GON4L: variants seen among roughly 807,000 people sequenced by gnomAD.
The protein encoded by GON4L is gon-4 like, also known as GON-4-like protein.
Under a neutral mutation model 211.8 loss-of-function variants are expected in GON4L, and 87 were observed. That is an observed-to-expected ratio of 0.41 (90% CI 0.35 to 0.49). GON4L has a LOEUF of 0.49. Among genes scored for constraint, GON4L ranks in the 20% least tolerant of loss-of-function variants. The pLI is 0.15. For missense variants in GON4L, 2,155 were observed against 2,659.5 expected, an observed-to-expected ratio of 0.81 and a Z score of 4.17; for synonymous variants, 875 against 962.6, an observed-to-expected ratio of 0.91 and a Z score of 1.68.
chr1:155,782,901 C>T (rs1232506444), intron 14 of GON4L, among the ~76,000 whole-genome samples: 1 of 152,044 alleles, frequency 6.6e-6, no homozygotes, highest in African/African-American at 2.4e-5. Context: ...TGAGGTGATC[C>T]CCCTGCCTCC....
chr1:155,834,097 T>C (rs1670073768), intron 2 of GON4L, among the ~76,000 whole-genome samples: 1 of 152,112 alleles, frequency 6.6e-6, no homozygotes, highest in South Asian at 2.1e-4. Flanking sequence ...GTGTTGGGAT[T>C]ACAGGTGTGA....
At chr1:155,748,729 G>T, downstream of GON4L, 3 of 1,614,126 alleles carry the variant, frequency 1.9e-6, no homozygotes, top group Non-Finnish European at 2.5e-6. Context: ...GAGCCTTCTG[G>T]AACACGTTGC....
chr1:155,800,156 G>A (rs772111005), intron 11 of GON4L, among the ~76,000 whole-genome samples: 2 of 151,822 alleles, frequency 1.3e-5, no homozygotes, highest in Non-Finnish European at 2.9e-5. Context: ...CTGAGATCGT[G>A]CCATTGCACT....
chr1:155,750,806 G>T, intron 31 of GON4L, 73 bp from the exon 32 acceptor site: 1 of 1,428,890 alleles, frequency 7.0e-7, no homozygotes, highest in Non-Finnish European at 9.6e-7. Flanking sequence ...CTCTGTTGCT[G>T]AGACTGGAGT....
At chr1:155,837,616 C>T (rs1670428865) in intron 2 of GON4L, among the ~76,000 whole-genome samples, 1 of 144,686 alleles carries the variant, frequency 6.9e-6, no homozygotes, top group Admixed American at 7.2e-5. Context: ...CTTGCTGTAT[C>T]TCTCTCTCTC....
intron 16 of GON4L, 99 bp from the exon 17 acceptor site, chr1:155,775,272 G>C: frequency 6.8e-7 from 1 of 1,471,934 alleles, no homozygotes; most frequent in South Asian, 1.1e-5. Flanking sequence ...CCTACTACAG[G>C]ATAAAAACAG....
In GON4L at chr1:155,798,373, T is replaced by C. The variant is rs561153502; in HGVS notation, c.1646-3222A>G. Among the ~76,000 whole-genome samples, 19 of 150,166 alleles carry C rather than the reference T, an allele frequency of 1.3e-4. No individual in the cohort carries two copies. The East Asian group carries it at 2.1e-3, about 17-fold the overall frequency. The stretch of plus-strand genomic sequence containing the variant: ...CTGTCTTCATAATTCATAATCTCTA[T>C]AGTACTTTCTATATAAGTCTCTTCA... On this transcript the variant is annotated intron_variant, in intron 11 of 31. Coordinates refer to ENST00000368331, the MANE Select transcript of GON4L (RefSeq NM_001282860.2).
rs766347337 is a variant in GON4L, at chr1:155,751,759, G to A, written c.6576+8C>T. Reference sequence around the variant, plus strand: ...TTTTGCCAGGTCTTCACCCCAACCCGCACCTACCTCAGCAGGGGTCTTATT... The same window carrying A: ...TTTTGCCAGGTCTTCACCCCAACCCACACCTACCTCAGCAGGGGTCTTATT... On this transcript the variant is annotated splice_region_variant and intron_variant, in intron 31 of 31. Transcript: ENST00000368331. 57 of 1,594,238 alleles carry A rather than the reference G, an allele frequency of 3.6e-5. No homozygotes were observed. The highest frequency in any genetic ancestry group is 3.4e-4 in the African/African-American group (25 of 74,572).
At chr1:155,831,467 A>G (rs1435381791) in intron 2 of GON4L, 1 of 147,856 alleles carries the variant, frequency 6.8e-6, no homozygotes, top group Non-Finnish European at 1.5e-5. Flanking sequence ...ATAAATAAAT[A>G]AATAAATAAA....
At chr1:155,811,527 G>T (rs1667771679) in intron 10 of GON4L, among the ~76,000 whole-genome samples, 1 of 151,148 alleles carries the variant, frequency 6.6e-6, no homozygotes, top group Non-Finnish European at 1.5e-5. Flanking sequence ...AGGCTAAGGT[G>T]GGCAGATCAC....
At chr1:155,856,333 C>T (rs959858315) in intron 1 of GON4L, among the ~76,000 whole-genome samples, 1 of 152,074 alleles carries the variant, frequency 6.6e-6, no homozygotes, top group Non-Finnish European at 1.5e-5. Context: ...GCTCCAGTGA[C>T]CCTCTGGCCT....
At position 155,844,581 on chromosome 1, in the gene GON4L, CTG is replaced by C. The variant is rs145724321; in HGVS notation, c.505+8693_505+8694del. The stretch of plus-strand genomic sequence containing the variant: ...GACCAGCCCGGGCAACATAGTGAGA[CTG>C]TGTCTCTATAAAAACATTTAAAAAT... On this transcript the variant is annotated intron_variant, in intron 2 of 31. Transcript: ENST00000368331. Among the ~76,000 whole-genome samples the C allele has an allele frequency of 6.6e-3, 1,002 of 152,200 alleles. 3 individuals carry two copies. Among genetic ancestry groups the C allele is most frequent in the Non-Finnish European group, 0.011 (760 of 68,024 alleles).
In GON4L at chr1:155,760,517, A is replaced by G. The variant is rs1661677689; in HGVS notation, c.5036T>C (p.Leu1679Pro). The G allele has an allele frequency of 6.2e-7, 1 of 1,613,696 alleles. No homozygotes were observed. The highest frequency in any genetic ancestry group is 8.5e-7 in the Non-Finnish European group (1 of 1,179,646). Residue 1679 changes from leucine to proline, a missense_variant, in exon 24 of 32, where the codon CTC becomes CCC. Coordinates refer to ENST00000368331, the MANE Select transcript of GON4L (RefSeq NM_001282860.2). ...VDLYKSLQILLQDWPQLLKDF... is the reference protein window; with the variant it reads ...VDLYKSLQILPQDWPQLLKDF... ...TTTCAACAGCTGAGGCCAGTCTTGG[A>G]GCAGAATTTGCAGGCTTTTGTAGAG... is the stretch of plus-strand genomic sequence containing the variant.
chr1:155,757,504 G>A (rs1258993020), intron 25 of GON4L, among the ~76,000 whole-genome samples, 181 bp from the exon 26 acceptor site: 1 of 152,130 alleles, frequency 6.6e-6, no homozygotes, highest in Non-Finnish European at 1.5e-5. Flanking sequence ...TATAGGGGAA[G>A]GGTACTAATA....
chr1:155,784,947 T>C (rs1380626073), intron 13 of GON4L: 1 of 346,026 alleles, frequency 2.9e-6, no homozygotes, highest in African/African-American at 2.1e-5. Context: ...ACCCTGTCTC[T>C]ACAAATAAAA....
In GON4L at chr1:155,749,869, C is replaced by A. The variant is rs1660411932; in HGVS notation, c.*715G>T. 1.2e-6 allele frequency: 2 copies of A among 1,603,540 alleles called. No individual in the cohort carries two copies. The highest frequency in any genetic ancestry group is 1.7e-6 in the Non-Finnish European group (2 of 1,174,048). On this transcript the variant is annotated 3_prime_UTR_variant, in exon 32 of 32. Coordinates refer to ENST00000368331, the MANE Select transcript of GON4L (RefSeq NM_001282860.2). Reference sequence around the variant, plus strand: ...GGACTTCCTTATCAGTTTGGCGAGTCCCAGGGCAGAATAATCATCCATCTA... The same window carrying A: ...GGACTTCCTTATCAGTTTGGCGAGTACCAGGGCAGAATAATCATCCATCTA...
intron 13 of GON4L, chr1:155,785,063 G>A (rs1354899915): frequency 4.1e-6 from 2 of 486,346 alleles, no homozygotes; most frequent in Non-Finnish European, 7.7e-6. Flanking sequence ...TTTCACCACT[G>A]CACTCTGGCT....
At chr1:155,792,830 C>T (rs568455093) in intron 12 of GON4L, among the ~76,000 whole-genome samples, 2 of 152,226 alleles carry the variant, frequency 1.3e-5, no homozygotes, top group South Asian at 4.1e-4. Flanking sequence ...GATCTCTGCT[C>T]GCTACAGCCT....
intron 11 of GON4L, among the ~76,000 whole-genome samples, chr1:155,795,408 T>A (rs546012046): frequency 6.6e-6 from 1 of 152,210 alleles, no homozygotes; most frequent in Non-Finnish European, 1.5e-5. Flanking sequence ...GTGTAGTATA[T>A]TCCATGAAAA....
Sources: gnomAD v4.1 joint callset for allele counts (sites outside exome capture counted in the v4.1 genomes callset) on GRCh38, gnomAD v4.1.1 for gene constraint, MANE v1.5 for transcripts, NCBI Gene and HGNC (gene_info 2026-07-23, HGNC 2026-07-21) for gene names.